Variants in FRMD4B observed in about 807,000 individuals in gnomAD.
FRMD4B encodes FERM domain-containing protein 4B.
Under a neutral mutation model 141.5 loss-of-function variants are expected in FRMD4B, and 74 were observed. That is an observed-to-expected ratio of 0.52 (90% CI 0.43 to 0.63). The LOEUF is 0.63. Ranked by LOEUF, FRMD4B falls within the 30% of genes least tolerant of loss-of-function variation. The pLI is 0.00. For missense variants in FRMD4B, 1,366 were observed against 1,253.4 expected (o/e 1.09, Z -1.36); for synonymous variants, 506 against 467.9 (o/e 1.08, Z -1.05).
chr3:69,498,819 C>T (rs994509870), intron 1 of FRMD4B, among the ~76,000 whole-genome samples: 1 of 152,166 alleles, frequency 6.6e-6, no homozygotes, highest in African/African-American at 2.4e-5. Context: ...ATACCCAGGA[C>T]TTATTCCTTC....
At chr3:69,536,935 A>G (rs1356560211) in intron 1 of FRMD4B, among the ~76,000 whole-genome samples, 1 of 152,054 alleles carries the variant, frequency 6.6e-6, no homozygotes, top group Admixed American at 6.5e-5. Flanking sequence ...TTAAGTAGGA[A>G]TGAGGTCTTC....
intron 5 of FRMD4B, among the ~76,000 whole-genome samples, chr3:69,260,598 C>T (rs1250816150): frequency 2.0e-5 from 3 of 152,382 alleles, no homozygotes; most frequent in Middle Eastern, 3.4e-3. Flanking sequence ...CAATGGGCGC[C>T]GCCTGGTCCC....
Position 69,289,214 on chromosome 3 carries a change from G to A in FRMD4B, c.417-1378C>T, listed in dbSNP as rs1468102229. ...AGTGTTTCATGTCCACCATTTATTCGCTGTATGGCCTTGGGCAAATTATTT... is the reference window on the plus strand; with the variant it reads ...AGTGTTTCATGTCCACCATTTATTCACTGTATGGCCTTGGGCAAATTATTT... On this transcript the variant is annotated intron_variant, in intron 4 of 22. Transcript: ENST00000398540. Among the ~76,000 whole-genome samples the A allele has an allele frequency of 4.6e-5, 7 of 152,176 alleles. No individual in the cohort carries two copies. The East Asian group carries it at 5.8e-4, about 13-fold the overall frequency.
intron 1 of FRMD4B, among the ~76,000 whole-genome samples, chr3:69,467,021 A>G (rs1345063161): frequency 6.6e-6 from 1 of 152,180 alleles, no homozygotes; most frequent in Non-Finnish European, 1.5e-5. Flanking sequence ...TTAAAAAATA[A>G]AACCTTAATT....
At chr3:69,473,858 G>C (rs569200709) in intron 1 of FRMD4B, among the ~76,000 whole-genome samples, 59 of 152,272 alleles carry the variant, frequency 3.9e-4, no homozygotes, top group African/African-American at 1.4e-3. Context: ...AATCCAACAA[G>C]AGAAGGCTGC....
chr3:69,342,027 G>C (rs1362213745), intron 1 of FRMD4B, among the ~76,000 whole-genome samples: 2 of 152,174 alleles, frequency 1.3e-5, no homozygotes, highest in Non-Finnish European at 2.9e-5. Context: ...AGCTCACTTA[G>C]GGCTGTAGTT....
At chr3:69,392,743 C>T (rs958908957) in intron 2 of FRMD4B, among the ~76,000 whole-genome samples, 9 of 152,020 alleles carry the variant, frequency 5.9e-5, no homozygotes, top group South Asian at 2.1e-4. Flanking sequence ...GAGGGCTCCC[C>T]AACTATGCAG....
intron 1 of FRMD4B, among the ~76,000 whole-genome samples, chr3:69,517,429 T>G (rs1296981547): frequency 6.9e-6 from 1 of 144,406 alleles, no homozygotes; most frequent in East Asian, 2.0e-4. Context: ...AAGAAATAAT[T>G]GAACAGAGAA....
At chr3:69,490,293 T>C (rs554768000) in intron 1 of FRMD4B, among the ~76,000 whole-genome samples, 28 of 152,300 alleles carry the variant, frequency 1.8e-4, no homozygotes, top group Non-Finnish European at 3.7e-4. Context: ...CTACATGAAG[T>C]TTTCAGCACT....
At chr3:69,404,688 A>G (rs1385943709) in intron 2 of FRMD4B, among the ~76,000 whole-genome samples, 2 of 152,176 alleles carry the variant, frequency 1.3e-5, no homozygotes, top group Non-Finnish European at 2.9e-5. Context: ...GGAGTTGGGC[A>G]TAAATGAAGT....
In FRMD4B at chr3:69,484,983, C is replaced by G. The variant is rs73835872; in HGVS notation, c.-128-52222G>C. Among the ~76,000 whole-genome samples the G allele has an allele frequency of 7.4e-3, 1,123 of 152,096 alleles. 18 individuals are homozygous for G. The highest frequency in any genetic ancestry group is 0.026 in the African/African-American group (1,068 of 41,500). On this transcript the variant is annotated intron_variant, in intron 1 of 5. Transcript: ENST00000459638. ...GCCTGAAGGTGGGGCTTCTCTGGGC[C>G]CCCCCACCTTCTGCCCAGGAGGCTT...
intron 7 of FRMD4B, among the ~76,000 whole-genome samples, chr3:69,229,019 T>TG (rs747176822): frequency 6.5e-4 from 96 of 148,236 alleles, no homozygotes; most frequent in Non-Finnish European, 1.2e-3. Context: ...AATCATGTTT[T>TG]TTTTTTTTTT....
chr3:69,477,193 T>C (rs1706016866), intron 1 of FRMD4B, among the ~76,000 whole-genome samples: 1 of 152,146 alleles, frequency 6.6e-6, no homozygotes, highest in South Asian at 2.1e-4. Flanking sequence ...GAATACCCTT[T>C]ATTTCCTTCT....
intron 11 of FRMD4B, among the ~76,000 whole-genome samples, chr3:69,212,238 T>C (rs890565754): frequency 1.3e-5 from 2 of 150,006 alleles, no homozygotes; most frequent in African/African-American, 4.9e-5. Flanking sequence ...CAGGCACCTG[T>C]AATCCCAGCT....
chr3:69,486,463 A>G (rs1389177404), intron 1 of FRMD4B, among the ~76,000 whole-genome samples: 1 of 152,168 alleles, frequency 6.6e-6, no homozygotes, highest in Non-Finnish European at 1.5e-5. Context: ...TTTTTTATAA[A>G]ACACTATATG....
chr3:69,533,429 A>G (rs1160630078), intron 1 of FRMD4B, among the ~76,000 whole-genome samples: 1 of 152,208 alleles, frequency 6.6e-6, no homozygotes, highest in Non-Finnish European at 1.5e-5. Flanking sequence ...CCACTTCTGC[A>G]GAATGTGGGT....
intron 1 of FRMD4B, among the ~76,000 whole-genome samples, chr3:69,332,554 C>G (rs180746823): frequency 6.6e-6 from 1 of 152,118 alleles, no homozygotes; most frequent in East Asian, 1.9e-4. Flanking sequence ...GACAAGACTC[C>G]TGATGGGAGT....
At chr3:69,344,071 T>C (rs1262875828) in intron 1 of FRMD4B, among the ~76,000 whole-genome samples, 1 of 152,190 alleles carries the variant, frequency 6.6e-6, no homozygotes, top group Non-Finnish European at 1.5e-5. Flanking sequence ...TGCTGACTTT[T>C]AAAGAATTTG....
rs181612964 is a variant in FRMD4B at position 69,269,208 on chromosome 3, C to T, written c.501+18544G>A. On this transcript the variant is annotated intron_variant, in intron 5 of 22. Transcript: ENST00000398540. ...CCTCTCAGAGTGTTGGGATTACAGG[C>T]GTTAGCCACTGTGCCTGGCAGATGA... 1.9e-4 allele frequency among the ~76,000 whole-genome samples: 29 copies of T among 151,932 alleles called. 2 individuals carry two copies. The highest frequency in any genetic ancestry group is 6.3e-4 in the African/African-American group (26 of 41,240).
Sources: allele counts gnomAD v4.1 joint callset (sites outside exome capture counted in the v4.1 genomes callset), GRCh38; gene constraint gnomAD v4.1.1; transcripts MANE v1.5; gene names NCBI Gene and HGNC (gene_info 2026-07-23, HGNC 2026-07-21).